Variants in RBM27 observed in about 807,000 individuals in gnomAD.
RBM27 encodes RNA-binding protein 27.
Under a neutral mutation model 135.3 loss-of-function variants are expected in RBM27, and 22 were observed. The ratio of observed to expected loss-of-function variants is 0.16; its 90% CI spans 0.12 to 0.23. The LOEUF is 0.23. Among genes scored for constraint, RBM27 ranks in the 10% least tolerant of loss-of-function variants. RBM27 has a pLI of 1.00. For synonymous variants in RBM27, 481 were observed against 442.4 expected, an observed-to-expected ratio of 1.09 and a Z score of -1.10; for missense variants, 1,009 against 1,281.0, an observed-to-expected ratio of 0.79 and a Z score of 3.24.
At position 146,240,367 on chromosome 5, in the gene RBM27, C is replaced by A. The variant is rs1370655468; in HGVS notation, c.1279+2935C>A. Among the ~76,000 whole-genome samples the A allele has an allele frequency of 2.0e-5, 3 of 152,094 alleles. No individual in the cohort carries two copies. The East Asian group carries it at 5.8e-4, about 29-fold the overall frequency. On this transcript the variant is annotated intron_variant, in intron 8 of 20. Transcript: ENST00000265271. Reference sequence around the variant, plus strand: ...GTCTATCTAGAGTCTCACTTTGTCGCCCAGGCTGGAGTGCAGTGGTGAGAT... The same window carrying A: ...GTCTATCTAGAGTCTCACTTTGTCGACCAGGCTGGAGTGCAGTGGTGAGAT...
In RBM27 at chr5:146,237,375, G is replaced by A; in HGVS notation, c.1222G>A (p.Val408Met). 6.2e-7 allele frequency: 1 copy of A among 1,613,996 alleles called. No individual in the cohort carries two copies. The highest frequency in any genetic ancestry group is 1.1e-5 in the South Asian group (1 of 91,086). The change falls in exon 8 of 21, where the codon GTG (valine) becomes ATG (methionine). Residue 408 changes from valine to methionine, a missense_variant. Around this residue, in one of 6 missense-constraint regions of RBM27, gnomAD observed 329 missense variants for 368.1 expected, o/e 0.89. Coordinates refer to ENST00000265271, the MANE Select transcript of RBM27 (RefSeq NM_018989.2). Reference sequence around the variant, plus strand: ...AAGTGCAGTGCCCAATCTTGCATCAGTGGGAACAAGACTACCTCCTCCTTT... The same window carrying A: ...AAGTGCAGTGCCCAATCTTGCATCAATGGGAACAAGACTACCTCCTCCTTT... ...GTSAVPNLAS[V>M]GTRLPPPLPQ...
intron 1 of RBM27, among the ~76,000 whole-genome samples, chr5:146,218,757 T>G (rs1756320731): frequency 6.6e-6 from 1 of 152,058 alleles, no homozygotes; most frequent in African/African-American, 2.4e-5. Flanking sequence ...CTTGATATAT[T>G]TAGAACCTCA....
chr5:146,252,745 T>A (rs897881132), intron 9 of RBM27, among the ~76,000 whole-genome samples: 1 of 152,210 alleles, frequency 6.6e-6, no homozygotes, highest in Admixed American at 6.5e-5. Context: ...ACATTGAAAT[T>A]TAATAAGCAA....
intron 8 of RBM27, among the ~76,000 whole-genome samples, chr5:146,249,090 T>G (rs1418308447): frequency 6.6e-6 from 1 of 152,090 alleles, no homozygotes; most frequent in South Asian, 2.1e-4. Context: ...CAAGTGATCC[T>G]CCTGCCCTAG....
At chr5:146,275,235 G>A (rs748839369) in intron 19 of RBM27, among the ~76,000 whole-genome samples, 5 of 151,270 alleles carry the variant, frequency 3.3e-5, no homozygotes, top group Non-Finnish European at 5.9e-5. Flanking sequence ...CAAAATCAGC[G>A]AATCCAGAAA....
rs1759602789 is a variant in RBM27 at position 146,286,782 on chromosome 5, A to G, written c.*752A>G. ...GCGCTGGTTCGGCTGGTCTTTTTAA[A>G]AATTTTTATAACTCAGAATGTAAAA... On this transcript the variant is annotated 3_prime_UTR_variant, in exon 21 of 21. Coordinates refer to ENST00000265271, the MANE Select transcript of RBM27 (RefSeq NM_018989.2). 1 of 152,038 alleles carries G rather than the reference A, an allele frequency of 6.6e-6. No individual in the cohort carries two copies. 9.4% of individuals were successfully genotyped at this position (152,038 alleles called of 1,614,324 possible).
In RBM27 at chr5:146,271,624, G is replaced by T. The variant is rs772710764; in HGVS notation, c.2938G>T (p.Val980Phe). The T allele has an allele frequency of 6.2e-7, 1 of 1,614,022 alleles. No homozygotes were observed. The highest frequency in any genetic ancestry group is 2.2e-5 in the East Asian group (1 of 44,886). ...VVDHRPKALT[V>F]GGFIEEEKED... ...GGACCATCGTCCCAAAGCACTAACA[G>T]TTGGAGGATTCATTGAGGAAGAAAA... is the stretch of plus-strand genomic sequence containing the variant. Residue 980 changes from valine (V) to phenylalanine (F), a missense_variant, in exon 19 of 21, where the codon GTT becomes TTT. Physicochemically the swap from Val to Phe is conservative, Grantham distance 50 (BLOSUM62 -1). Coordinates refer to ENST00000265271, the MANE Select transcript of RBM27 (RefSeq NM_018989.2).
In RBM27 at chr5:146,269,440, A is replaced by G. The variant is rs1030230749; in HGVS notation, c.2547A>G (p.Glu849=). 1 of 1,563,254 alleles carries G rather than the reference A, an allele frequency of 6.4e-7. No individual in the cohort carries two copies. The highest frequency in any genetic ancestry group is 8.6e-7 in the Non-Finnish European group (1 of 1,159,174). The change falls in exon 17 of 21, where the codon GAA becomes GAG. Residue 849 remains glutamate, a synonymous_variant. Coordinates refer to ENST00000265271, the MANE Select transcript of RBM27 (RefSeq NM_018989.2). ...ECQKMLISKL[E]KNKNMKPEER... is the part of the protein sequence containing the mutation. ...CGTAGATGTTAATATCCAAGTTAGA[A>G]AAAAACAAAAACATGAAACCAGAAG...
At chr5:146,205,065 T>C (rs557719421) in intron 1 of RBM27, among the ~76,000 whole-genome samples, 13 of 152,252 alleles carry the variant, frequency 8.5e-5, no homozygotes, top group African/African-American at 2.6e-4. Context: ...GCCCAGCTAA[T>C]TTTTGTATTT....
chr5:146,270,179 A>G (rs1329112878), intron 17 of RBM27, among the ~76,000 whole-genome samples: 19 of 152,144 alleles, frequency 1.2e-4, no homozygotes, highest in Non-Finnish European at 1.5e-5. Context: ...ATTTAAGTCT[A>G]ATTTTTATTA....
chr5:146,246,928 A>G (rs1235080412), intron 8 of RBM27, among the ~76,000 whole-genome samples: 1 of 150,932 alleles, frequency 6.6e-6, no homozygotes, highest in Non-Finnish European at 1.5e-5. Context: ...CAGTGGCACA[A>G]TCTTGGCTCA....
chr5:146,280,413 C>T (rs949712116), intron 19 of RBM27, among the ~76,000 whole-genome samples: 1 of 152,122 alleles, frequency 6.6e-6, no homozygotes, highest in Non-Finnish European at 1.5e-5. Flanking sequence ...TTTATAAAAA[C>T]CAACTATACT....
At chr5:146,270,847 A>T (rs2126883484) in intron 17 of RBM27, 107 bp from the exon 18 acceptor site, 2 of 668,124 alleles carry the variant, frequency 3.0e-6, no homozygotes, top group East Asian at 5.9e-5. Context: ...GCATCCTCTC[A>T]TTCTCATGTT....
At chr5:146,272,220 A>G (rs1416032758) in intron 19 of RBM27, among the ~76,000 whole-genome samples, 1 of 152,256 alleles carries the variant, frequency 6.6e-6, no homozygotes, top group South Asian at 2.1e-4. Context: ...ATTTAATTTT[A>G]AATGACTGTA....
chr5:146,242,115 A>C (rs1757432373), intron 8 of RBM27, among the ~76,000 whole-genome samples: 1 of 152,088 alleles, frequency 6.6e-6, no homozygotes, highest in Non-Finnish European at 1.5e-5. Context: ...TAATTAAAAA[A>C]AAAATCTTTT....
At position 146,261,686 on chromosome 5, in the gene RBM27, A is replaced by T. The variant is rs777135380; in HGVS notation, c.2070A>T (p.Gln690His). ...TLQSSAQLLL[Q>H]QQQTLSHLSQ... Reference sequence around the variant, plus strand: ...AGTCCTCAGCACAGCTGCTCCTGCAACAACAGCAAACACTTAGTCACCTCT... The same window carrying T: ...AGTCCTCAGCACAGCTGCTCCTGCATCAACAGCAAACACTTAGTCACCTCT... Residue 690 changes from glutamine (Q) to histidine (H), a missense_variant, in exon 13 of 21, where the codon CAA (glutamine) becomes CAT (histidine). By Grantham distance (24) the Gln-to-His change is conservative. Transcript: ENST00000265271. The T allele has an allele frequency of 2.5e-6, 4 of 1,614,218 alleles. No individual in the cohort carries two copies. The South Asian group carries it at 4.4e-5, about 18-fold the overall frequency.
chr5:146,209,881 A>C (rs1462996486), intron 1 of RBM27, among the ~76,000 whole-genome samples: 1 of 152,180 alleles, frequency 6.6e-6, no homozygotes, highest in Non-Finnish European at 1.5e-5. Flanking sequence ...CTACTAACTT[A>C]AGAACATATT....
At chr5:146,241,632 T>C (rs1173236921) in intron 8 of RBM27, among the ~76,000 whole-genome samples, 1 of 152,238 alleles carries the variant, frequency 6.6e-6, no homozygotes, top group Admixed American at 6.5e-5. Flanking sequence ...CTAATTTTTG[T>C]ATTTTTGGTA....
chr5:146,265,021 A>C (rs888986645), intron 14 of RBM27, among the ~76,000 whole-genome samples: 4 of 152,216 alleles, frequency 2.6e-5, no homozygotes, highest in African/African-American at 9.6e-5. Context: ...AACCCTCATG[A>C]AAGGAAATTT....
Sources: allele counts gnomAD v4.1 joint callset (sites outside exome capture counted in the v4.1 genomes callset), GRCh38; gene constraint gnomAD v4.1.1; regional missense constraint gnomAD v4.1.1; transcripts MANE v1.5; gene names NCBI Gene and HGNC (gene_info 2026-07-23, HGNC 2026-07-21).